The following TANC2 variants were observed in gnomAD, a reference collection of about 807,000 sequenced individuals.
TANC2 encodes tetratricopeptide repeat, ankyrin repeat and coiled-coil containing 2.
In TANC2, 26 loss-of-function variants were observed where a neutral mutation model predicts 210.5. The ratio of observed to expected loss-of-function variants is 0.12; its 90% CI spans 0.09 to 0.17. TANC2 has a LOEUF of 0.17. Among genes scored for constraint, TANC2 ranks in the 10% least tolerant of loss-of-function variants. TANC2 has a pLI of 1.00. For missense variants in TANC2, 2,129 were observed against 2,608.9 expected (o/e 0.82, Z 4.01); for synonymous variants, 931 against 967.1 (o/e 0.96, Z 0.69).
At chr17:63,011,602 T>C (rs1277528759) in intron 2 of TANC2, among the ~76,000 whole-genome samples, 1 of 152,224 alleles carries the variant, frequency 6.6e-6, no homozygotes, top group African/African-American at 2.4e-5. Flanking sequence ...AGCTGTCTTA[T>C]TAGGAACATT....
At chr17:63,426,897 G>T (rs1424987681) in exon 28 of TANC2, 2 of 152,090 alleles carry the variant, frequency 1.3e-5, no homozygotes, top group Non-Finnish European at 2.9e-5. Flanking sequence ...AATCCCTTTG[G>T]TCCCCAGCGC....
intron 10 of TANC2, among the ~76,000 whole-genome samples, chr17:63,315,016 GTTC>G (rs899808771): frequency 1.9e-4 from 29 of 152,256 alleles, no homozygotes; most frequent in African/African-American, 5.1e-4. Context: ...TCTGTGCCCA[GTTC>G]TTCTTCTTAT....
At chr17:63,283,834 A>G (rs1171196423) in intron 9 of TANC2, among the ~76,000 whole-genome samples, 1 of 151,988 alleles carries the variant, frequency 6.6e-6, no homozygotes, top group Non-Finnish European at 1.5e-5. Context: ...TTGCTCTTGT[A>G]TCCTAAAACC....
At chr17:63,048,978 TA>T (rs1162890409) in intron 2 of TANC2, among the ~76,000 whole-genome samples, 2 of 152,158 alleles carry the variant, frequency 1.3e-5, no homozygotes, top group East Asian at 3.9e-4. Flanking sequence ...AGTCAGATTT[TA>T]AATTTAGCCC....
At chr17:63,027,762 A>G (rs1208685278) in intron 2 of TANC2, among the ~76,000 whole-genome samples, 2 of 152,154 alleles carry the variant, frequency 1.3e-5, no homozygotes, top group Non-Finnish European at 2.9e-5. Flanking sequence ...TAAAATTGGT[A>G]TGATACAGCA....
At chr17:63,269,835 A>G (rs1023091506) in intron 9 of TANC2, among the ~76,000 whole-genome samples, 14 of 152,190 alleles carry the variant, frequency 9.2e-5, no homozygotes, top group African/African-American at 3.1e-4. Flanking sequence ...AAACAACAAA[A>G]GCACATTCAA....
intron 5 of TANC2, among the ~76,000 whole-genome samples, chr17:63,179,475 T>TA (rs2040703171): frequency 6.6e-6 from 1 of 152,208 alleles, no homozygotes; most frequent in South Asian, 2.1e-4. Context: ...TTAATACATA[T>TA]AGTGCATTTA....
intron 9 of TANC2, among the ~76,000 whole-genome samples, chr17:63,285,543 A>G (rs932237198): frequency 3.3e-5 from 5 of 152,150 alleles, no homozygotes; most frequent in Admixed American, 6.6e-5. Context: ...AGGACTCAAC[A>G]TATAGTCATT....
chr17:63,034,998 A>G, intron 2 of TANC2, among the ~76,000 whole-genome samples: 1 of 152,204 alleles, frequency 6.6e-6, no homozygotes, highest in Non-Finnish European at 1.5e-5. Context: ...AATTTGAAAG[A>G]AATTCTACTG....
intron 9 of TANC2, among the ~76,000 whole-genome samples, chr17:63,309,402 T>A (rs2045040666): frequency 1.3e-5 from 2 of 151,484 alleles, no homozygotes; most frequent in African/African-American, 4.9e-5. Flanking sequence ...TTTTTTCTAA[T>A]GGTAGATATA....
At chr17:63,283,565 GA>G (rs2044128794) in intron 9 of TANC2, among the ~76,000 whole-genome samples, 1 of 151,808 alleles carries the variant, frequency 6.6e-6, no homozygotes, top group South Asian at 2.1e-4. Flanking sequence ...TTTGAGGGGG[GA>G]AGATAGATAA....
At chr17:63,248,195 A>G (rs1329128902) in intron 8 of TANC2, among the ~76,000 whole-genome samples, 1 of 151,826 alleles carries the variant, frequency 6.6e-6, no homozygotes, top group Non-Finnish European at 1.5e-5. Context: ...AGATACACAT[A>G]CTTTCCTTTC....
chr17:63,348,632 A>G (rs557965888), intron 12 of TANC2, among the ~76,000 whole-genome samples: 3 of 152,300 alleles, frequency 2.0e-5, no homozygotes, highest in African/African-American at 7.2e-5. Flanking sequence ...AATCCTTTTT[A>G]TTCTATGAAA....
chr17:63,214,651 G>T (rs1442615116), intron 7 of TANC2, among the ~76,000 whole-genome samples: 1 of 152,164 alleles, frequency 6.6e-6, no homozygotes, highest in African/African-American at 2.4e-5. Context: ...GCTTCCTCAG[G>T]CCTGTTTTAT....
chr17:63,186,232 G>A (rs2040978675), intron 5 of TANC2, among the ~76,000 whole-genome samples: 1 of 151,874 alleles, frequency 6.6e-6, no homozygotes, highest in African/African-American at 2.4e-5. Flanking sequence ...TCTGTTTTTG[G>A]ATTTTTAAAC....
intron 2 of TANC2, among the ~76,000 whole-genome samples, chr17:63,072,723 G>T (rs1431943156): frequency 6.6e-6 from 1 of 151,816 alleles, no homozygotes; most frequent in Non-Finnish European, 1.5e-5. Flanking sequence ...ATTTTGTATT[G>T]TCGTCGTATA....
chr17:62,982,331 A>G (rs1391615922), intron 1 of TANC2, among the ~76,000 whole-genome samples: 1 of 152,182 alleles, frequency 6.6e-6, no homozygotes, highest in East Asian at 1.9e-4. Flanking sequence ...AAAATTCTCT[A>G]TTACACAGGA....
chr17:63,126,638 G>A (rs921669320), intron 4 of TANC2, among the ~76,000 whole-genome samples: 2 of 152,066 alleles, frequency 1.3e-5, no homozygotes, highest in African/African-American at 2.4e-5. Context: ...TGAATTCCTA[G>A]CCTCAGGTGA....
chr17:63,173,974 C>A (rs2040495142), intron 5 of TANC2, among the ~76,000 whole-genome samples: 1 of 152,158 alleles, frequency 6.6e-6, no homozygotes, highest in South Asian at 2.1e-4. Flanking sequence ...TCTACAAGTT[C>A]TTTCTTTTAC....
Sources: allele counts gnomAD v4.1 joint callset (sites outside exome capture counted in the v4.1 genomes callset), GRCh38; gene constraint gnomAD v4.1.1; transcripts MANE v1.5; gene names NCBI Gene and HGNC (gene_info 2026-07-23, HGNC 2026-07-21).